TSBP1: variants seen among roughly 807,000 people sequenced by gnomAD.
TSBP1 encodes the protein testis expressed basic protein 1.
A neutral mutation model predicts 68.8 loss-of-function variants in TSBP1; 56 were observed. The observed-to-expected ratio is 0.81, with a 90% CI of 0.66 to 1.02. The LOEUF (loss-of-function observed/expected upper bound fraction) is 1.02. Among genes scored for constraint, TSBP1 ranks in the 50% least tolerant of loss-of-function variants. TSBP1 has a pLI of 0.00. For missense variants in TSBP1, 502 were observed against 641.2 expected (o/e 0.78, Z 2.34); for synonymous variants, 171 against 208.7 (o/e 0.82, Z 1.56).
At chr6:32,353,966 C>T (rs1310126020) in intron 8 of TSBP1, among the ~76,000 whole-genome samples, 1 of 151,816 alleles carries the variant, frequency 6.6e-6, no homozygotes, top group African/African-American at 2.4e-5. Flanking sequence ...AGGGAAATTT[C>T]AAAACTATTA....
intron 16 of TSBP1, among the ~76,000 whole-genome samples, chr6:32,324,027 A>G (rs1389893912): frequency 6.6e-6 from 1 of 152,178 alleles, no homozygotes; most frequent in Non-Finnish European, 1.5e-5. Context: ...CTTGTAATAT[A>G]TCATTTTGAC....
intron 22 of TSBP1, among the ~76,000 whole-genome samples, chr6:32,298,691 CA>C (rs1446159803): frequency 6.6e-6 from 1 of 152,184 alleles, no homozygotes; most frequent in Non-Finnish European, 1.5e-5. Context: ...GAGGCTTAAA[CA>C]CGATTAAATA....
rs1405155972 is a variant in TSBP1, at chr6:32,316,120, G to C, written c.560-328C>G. Among the ~76,000 whole-genome samples, 1 of 152,130 alleles carries C rather than the reference G, an allele frequency of 6.6e-6. No homozygotes were observed. The highest frequency in any genetic ancestry group is 1.5e-5 in the Non-Finnish European group (1 of 68,034). On this transcript the variant is annotated intron_variant, in intron 18 of 22. Transcript: ENST00000612031. The surrounding 1 kb of genome is among the most constrained non-coding windows in gnomAD (Gnocchi z 4.5). ...TTGAATAGCATTATAATGTTTGAGA[G>C]AACACTGAAAGCCTCTCTCCATTTA...
chr6:32,342,487 C>G (rs1395182416), intron 9 of TSBP1, among the ~76,000 whole-genome samples: 5 of 152,074 alleles, frequency 3.3e-5, no homozygotes, highest in Non-Finnish European at 5.9e-5. Flanking sequence ...TAATTTTCAA[C>G]TGGTTGTTGA....
intron 16 of TSBP1, among the ~76,000 whole-genome samples, chr6:32,330,219 T>A (rs1768801943): frequency 6.6e-6 from 1 of 152,180 alleles, no homozygotes. Context: ...AAAATTTGAT[T>A]TTCTTTTCTC....
At chr6:32,354,330 TA>T (rs1189692397) in intron 8 of TSBP1, among the ~76,000 whole-genome samples, 6 of 152,060 alleles carry the variant, frequency 3.9e-5, no homozygotes, top group Admixed American at 3.9e-4. Context: ...TATGAGAAGA[TA>T]CTCAATTTCA....
At chr6:32,341,680 G>C (rs1342096092) in intron 9 of TSBP1, among the ~76,000 whole-genome samples, 2 of 152,180 alleles carry the variant, frequency 1.3e-5, no homozygotes, top group Non-Finnish European at 2.9e-5. Context: ...GATAGGGCAA[G>C]TGAATCCCTT....
chr6:32,338,992 A>G lies in TSBP1; in HGVS notation c.396T>C (p.Thr132=), dbSNP rs1770004074. The G allele has an allele frequency of 1.2e-6, 2 of 1,612,006 alleles. No individual in the cohort carries two copies. The highest frequency in any genetic ancestry group is 2.7e-5 in the African/African-American group (2 of 75,032). The change falls in exon 11 of 23, where the codon ACT becomes ACC. Residue 132 remains threonine, a synonymous_variant. Transcript: ENST00000612031. The surrounding 1 kb of genome is among the most constrained non-coding windows in gnomAD (Gnocchi z 5.5). ...AAAAGAACTTACTCATGGCTCCTGCAGTTCTGGCTAAAATACAAACAAAAA... is the reference window on the plus strand; with the variant it reads ...AAAAGAACTTACTCATGGCTCCTGCGGTTCTGGCTAAAATACAAACAAAAA...
intron 9 of TSBP1, among the ~76,000 whole-genome samples, chr6:32,342,658 A>G (rs997332129): frequency 2.0e-5 from 3 of 152,244 alleles, no homozygotes; most frequent in Admixed American, 2.0e-4. Flanking sequence ...AATTGAAAAT[A>G]ATTAACAAGC....
At chr6:32,349,289 CA>C in intron 9 of TSBP1, among the ~76,000 whole-genome samples, 1 of 151,008 alleles carries the variant, frequency 6.6e-6, no homozygotes, top group Middle Eastern at 3.4e-3. Flanking sequence ...AGTTGCAGCT[CA>C]GGGGGATAGG....
chr6:32,300,300 GATCA>G lies in TSBP1; in HGVS notation c.623-368_623-365del, dbSNP rs1027309259. The stretch of plus-strand genomic sequence containing the variant: ...GTCCGTTTGAAAAATGTATATTGTT[GATCA>G]ATTACCAAAATCACATCTAGTCCTG... On this transcript the variant is annotated intron_variant, in intron 21 of 22. Coordinates refer to ENST00000612031, the Ensembl canonical transcript of TSBP1. Among the ~76,000 whole-genome samples, 144 of 152,124 alleles carry G rather than the reference GATCA, an allele frequency of 9.5e-4. 2 individuals are homozygous for G. The highest frequency in any genetic ancestry group is 3.4e-3 in the African/African-American group (139 of 41,484).
At position 32,307,719 on chromosome 6, in the gene TSBP1, T is replaced by G. The variant is rs145679705; in HGVS notation, c.581-5090A>C. On this transcript the variant is annotated intron_variant, in intron 19 of 22. Transcript: ENST00000612031. ...ATGCTATAAGCTCACAACTTTCACTTATATTTTATCTGATATTTGCACAAT... is the reference window on the plus strand; with the variant it reads ...ATGCTATAAGCTCACAACTTTCACTGATATTTTATCTGATATTTGCACAAT... Among the ~76,000 whole-genome samples, 6 of 152,276 alleles carry G rather than the reference T, an allele frequency of 3.9e-5. No homozygotes were observed. In the East Asian group the frequency reaches 1.2e-3, roughly 29 times the overall value.
At chr6:32,299,925 C>T (rs762637395) in exon 22 of TSBP1, 2 of 1,609,536 alleles carry the variant, frequency 1.2e-6, no homozygotes, top group Admixed American at 1.7e-5. Context: ...AACTTACCCA[C>T]AGGAGTCAGT....
rs1040046411 is a variant in TSBP1, at chr6:32,355,683, C to T, written c.218-14G>A. On this transcript the variant is annotated splice_polypyrimidine_tract_variant and intron_variant, in intron 6 of 22. Transcript: ENST00000612031. The stretch of plus-strand genomic sequence containing the variant: ...TTTTGGATCTCTCTGAAAACATAAA[C>T]AAAAGAAAGAAAAATCAATTTGGAT... The T allele has an allele frequency of 1.3e-6, 2 of 1,582,256 alleles. No individual in the cohort carries two copies. The highest frequency in any genetic ancestry group is 1.4e-5 in the African/African-American group (1 of 73,886).
rs1037104757 is a variant in TSBP1, at chr6:32,355,013, T to C, written c.259+111A>G. On this transcript the variant is annotated intron_variant, in intron 8 of 22. Coordinates refer to ENST00000612031, the Ensembl canonical transcript of TSBP1. The stretch of plus-strand genomic sequence containing the variant: ...CTAAGGTGTGATATACAAGTGTTAA[T>C]TATTTTTATACTTAATTTTAAAAAC... The C allele has an allele frequency of 3.9e-5, 32 of 813,992 alleles. 1 individual carries two copies. Among genetic ancestry groups the C allele is most frequent in the Admixed American group, 1.3e-4 (5 of 37,800 alleles). The allele number at this position is 813,992 out of a possible 1,614,324, so 50.4% of individuals were successfully genotyped here.
In TSBP1 at chr6:32,343,252, G is replaced by C; in HGVS notation, c.350-3614C>G. The C allele has an allele frequency of 7.1e-7, 1 of 1,408,794 alleles. No homozygotes were observed. Among genetic ancestry groups the C allele is most frequent in the Non-Finnish European group, 9.3e-7 (1 of 1,075,290 alleles). 87.3% of individuals were successfully genotyped at this position (1,408,794 alleles called of 1,614,324 possible). On this transcript the variant is annotated intron_variant, in intron 9 of 22. Coordinates refer to ENST00000612031, the Ensembl canonical transcript of TSBP1. The surrounding 1 kb of genome is among the most constrained non-coding windows in gnomAD (Gnocchi z 4.3). ...GATAAACTTACTCATGGATCCTTGA[G>C]GTAAAGCTAAAGAACAATAACAATT...
chr6:32,342,833 G>C (rs1770531605), intron 9 of TSBP1, among the ~76,000 whole-genome samples: 1 of 152,202 alleles, frequency 6.6e-6, no homozygotes, highest in Non-Finnish European at 1.5e-5. Flanking sequence ...TGTGATTAGA[G>C]AGGGACATAG....
intron 4 of TSBP1, 90 bp from the exon 5 acceptor site, chr6:32,366,392 C>A: frequency 2.6e-6 from 3 of 1,168,132 alleles, no homozygotes; most frequent in Non-Finnish European, 3.8e-6. Flanking sequence ...TTTACCTCTT[C>A]CTCTTTTAGA....
At chr6:32,341,575 T>C (rs2143465) in intron 9 of TSBP1, among the ~76,000 whole-genome samples, 51,102 of 152,030 alleles carry the variant, frequency 0.34, 9,655 homozygotes, top group Middle Eastern at 0.52. Context: ...TTGGGAGCTC[T>C]GTTTTCAGAT....
Sources: gnomAD v4.1 joint callset for allele counts (sites outside exome capture counted in the v4.1 genomes callset) on GRCh38, gnomAD v4.1.1 for gene constraint, Gnocchi (gnomAD v3.1) non-coding constraint, MANE v1.5 for transcripts, NCBI Gene and HGNC (gene_info 2026-07-23, HGNC 2026-07-21) for gene names.